Variants in MED27 observed in about 807,000 individuals in gnomAD.
MED27 encodes mediator complex subunit 27.
In MED27, 30 loss-of-function variants were observed where a neutral mutation model predicts 38.2. The observed-to-expected ratio is 0.79, with a 90% confidence interval of 0.59 to 1.07. MED27 has a LOEUF of 1.07. Among genes scored for constraint, MED27 ranks in the 50% least tolerant of loss-of-function variants. The pLI, the probability that MED27 is intolerant of heterozygous loss-of-function variation, is 0.00. For synonymous variants in MED27, 122 were observed against 153.5 expected (o/e 0.79, Z 1.52); for missense variants, 289 against 397.5 (o/e 0.73, Z 2.32).
rs980203164 is a variant in MED27 at position 131,872,204 on chromosome 9, C to G, written c.724-9064G>C. On this transcript the variant is annotated intron_variant, in intron 6 of 7. Transcript: ENST00000292035. The surrounding 1 kb of genome is among the most constrained non-coding windows in gnomAD (Gnocchi z 5.6). ...ATTTTGGGTGCAGGTTCAAGGGCCG[C>G]TGCGGGCCACTGCCTGCTTCCCACC... 2.6e-5 allele frequency among the ~76,000 whole-genome samples: 4 copies of G among 152,210 alleles called. No individual in the cohort carries two copies. The highest frequency in any genetic ancestry group is 7.2e-5 in the African/African-American group (3 of 41,468).
intron 4 of MED27, among the ~76,000 whole-genome samples, chr9:131,914,293 T>C (rs1455756175): frequency 1.3e-5 from 2 of 152,172 alleles, no homozygotes; most frequent in Non-Finnish European, 2.9e-5. Context: ...TGGGAAGCCA[T>C]GTAGTACAGC....
intron 3 of MED27, among the ~76,000 whole-genome samples, chr9:131,985,795 T>C (rs1217121221): frequency 3.9e-5 from 6 of 152,144 alleles, no homozygotes; most frequent in African/African-American, 9.7e-5. Flanking sequence ...GAAGAAGGCA[T>C]TGTTATCATA....
intron 3 of MED27, among the ~76,000 whole-genome samples, chr9:131,967,363 G>A (rs578041784): frequency 7.2e-5 from 11 of 152,234 alleles, no homozygotes; most frequent in Admixed American, 6.5e-4. Flanking sequence ...ATGGCTACTT[G>A]CAAATGGATA....
chr9:132,017,363 C>T (rs1482179487), intron 2 of MED27, among the ~76,000 whole-genome samples: 1 of 152,050 alleles, frequency 6.6e-6, no homozygotes, highest in African/African-American at 2.4e-5. Context: ...CCCAAAATAC[C>T]GCCATAAGTT....
At chr9:132,060,468 G>A (rs537500031) in intron 2 of MED27, among the ~76,000 whole-genome samples, 7 of 152,198 alleles carry the variant, frequency 4.6e-5, no homozygotes, top group South Asian at 2.1e-4. Flanking sequence ...GCAGAGAGAC[G>A]GCAAAATTTA....
At chr9:132,066,284 G>A (rs911067942) in intron 2 of MED27, among the ~76,000 whole-genome samples, 1 of 152,232 alleles carries the variant, frequency 6.6e-6, no homozygotes, top group Admixed American at 6.5e-5. Context: ...TCGCAAAAGT[G>A]CAAGGCATTC....
chr9:131,919,610 T>C (rs1181946156), intron 4 of MED27, among the ~76,000 whole-genome samples: 1 of 152,016 alleles, frequency 6.6e-6, no homozygotes. Flanking sequence ...ACCCACCTCC[T>C]GGGGTCCCAA....
chr9:131,977,443 G>C (rs1473561544), intron 3 of MED27, among the ~76,000 whole-genome samples: 2 of 152,164 alleles, frequency 1.3e-5, no homozygotes, highest in Non-Finnish European at 2.9e-5. Flanking sequence ...GATTGTTAAG[G>C]AGTGTCCGAC....
Position 131,884,083 on chromosome 9 carries a change from T to A in MED27, c.698A>T (p.Lys233Ile), listed in dbSNP as rs1839095201. The A allele has an allele frequency of 6.2e-7, 1 of 1,611,420 alleles. No homozygotes were observed. The highest frequency in any genetic ancestry group is 1.3e-5 in the African/African-American group (1 of 74,972). The stretch of plus-strand genomic sequence containing the variant: ...CTTCTGGAATACTTGATAGTTGGAT[T>A]TGGACCATATATCAAGCTGAGGGGA... ...TEDGKLDIWS[K>I]SNYQVFQKVT... is the part of the protein sequence containing the mutation. The change falls in exon 6 of 8, where the codon AAA (lysine) becomes ATA (isoleucine). Residue 233 changes from lysine (K) to isoleucine (I), a missense_variant. Transcript: ENST00000292035.
chr9:132,025,120 A>G (rs933817748), intron 2 of MED27, among the ~76,000 whole-genome samples: 26 of 151,950 alleles, frequency 1.7e-4, no homozygotes, highest in Non-Finnish European at 3.1e-4. Context: ...AAAAAAAGCT[A>G]AAGTCATACA....
In MED27 at chr9:131,860,390, G is replaced by T; in HGVS notation, c.*148C>A. The T allele has an allele frequency of 1.1e-6, 1 of 871,952 alleles. No individual in the cohort carries two copies. The highest frequency in any genetic ancestry group is 1.6e-6 in the Non-Finnish European group (1 of 606,196). The allele number at this position is 871,952 out of a possible 1,614,324, so 54.0% of individuals were successfully genotyped here. A position where few individuals can be genotyped will look rare whatever the true frequency, so the allele number is the denominator to read the frequency against. The stretch of plus-strand genomic sequence containing the variant: ...CACAGAGGGAGTCTGCTCTTCAAGA[G>T]TGGCCTCTGCACACATGGCGCTGCT... On this transcript the variant is annotated 3_prime_UTR_variant, in exon 8 of 8. Transcript: ENST00000292035. The surrounding 1 kb of genome is among the most constrained non-coding windows in gnomAD (Gnocchi z 5.8).
chr9:131,880,682 T>C (rs1322205065), intron 6 of MED27, among the ~76,000 whole-genome samples: 2 of 152,178 alleles, frequency 1.3e-5, no homozygotes. Context: ...CCTAAATCTC[T>C]CCAACTAGAC....
At chr9:131,978,972 A>T (rs1831673293) in intron 3 of MED27, among the ~76,000 whole-genome samples, 1 of 152,242 alleles carries the variant, frequency 6.6e-6, no homozygotes, top group South Asian at 2.1e-4. Context: ...CAAAGCCCTA[A>T]AAATTATGTC....
At chr9:131,940,779 C>G (rs1830773040) in intron 3 of MED27, among the ~76,000 whole-genome samples, 1 of 152,214 alleles carries the variant, frequency 6.6e-6, no homozygotes, top group Non-Finnish European at 1.5e-5. Flanking sequence ...CCTAAACTCT[C>G]TACCTGGCTC....
intron 4 of MED27, among the ~76,000 whole-genome samples, chr9:131,923,858 A>C (rs577661848): frequency 6.6e-6 from 1 of 152,354 alleles, no homozygotes; most frequent in South Asian, 2.1e-4. Context: ...CAGAAAAAGT[A>C]AGCGTATTAA....
chr9:132,072,549 G>C (rs951600664), intron 2 of MED27, among the ~76,000 whole-genome samples: 2 of 151,968 alleles, frequency 1.3e-5, no homozygotes, highest in Non-Finnish European at 2.9e-5. Context: ...TGGCTCCCAC[G>C]GTATCCAGGG....
At chr9:131,935,087 G>A (rs529069862) in intron 4 of MED27, among the ~76,000 whole-genome samples, 1 of 152,186 alleles carries the variant, frequency 6.6e-6, no homozygotes, top group Admixed American at 6.5e-5. Flanking sequence ...GGGAGTATGG[G>A]GGCAGGATAG....
In MED27 at chr9:131,884,069, C is replaced by T. The variant is rs1161310001; in HGVS notation, c.712G>A (p.Val238Ile). 1 of 1,612,106 alleles carries T rather than the reference C, an allele frequency of 6.2e-7. No homozygotes were observed. The highest frequency in any genetic ancestry group is 2.2e-5 in the East Asian group (1 of 44,810). The change falls in exon 6 of 8, where the codon GTA becomes ATA. Residue 238 changes from valine (V) to isoleucine (I), a missense_variant. By Grantham distance (29) the Val-to-Ile change is conservative (BLOSUM62 3). Transcript: ENST00000292035. ...AAAGTAAAACTTACCTTCTGGAATACTTGATAGTTGGATTTGGACCATATA... is the reference window on the plus strand; with the variant it reads ...AAAGTAAAACTTACCTTCTGGAATATTTGATAGTTGGATTTGGACCATATA... The part of the protein sequence containing the change: ...LDIWSKSNYQ[V>I]FQKVTDHATT...
At chr9:132,001,917 C>CTGGG (rs1832244593) in intron 3 of MED27, among the ~76,000 whole-genome samples, 2 of 152,326 alleles carry the variant, frequency 1.3e-5, no homozygotes, top group Non-Finnish European at 2.9e-5. Flanking sequence ...ATATGGATGA[C>CTGGG]TGGGCCTCTT....
Sources: gnomAD v4.1 joint callset for allele counts (sites outside exome capture counted in the v4.1 genomes callset) on GRCh38, gnomAD v4.1.1 for gene constraint, Gnocchi (gnomAD v3.1) non-coding constraint, MANE v1.5 for transcripts, NCBI Gene and HGNC (gene_info 2026-07-23, HGNC 2026-07-21) for gene names.